The following LINC00632 variants were observed in gnomAD, a reference collection of about 807,000 sequenced individuals.
LINC00632 encodes the protein ALDOA related specific transcript.
intron 2 of LINC00632, among the ~76,000 whole-genome samples, chrX:140,728,526 G>A (rs1265093680): frequency 9.1e-6 from 1 of 109,994 alleles, no homozygotes; most frequent in Non-Finnish European, 1.9e-5. Context: ...ATATTGTACG[G>A]ATACGCTCCT....
At chrX:140,781,631 A>G (rs757378380) in exon 5 of LINC00632, among the ~76,000 whole-genome samples, 1 of 111,421 alleles carries the variant, frequency 9.0e-6, no homozygotes, top group East Asian at 2.9e-4. Flanking sequence ...TCTATGTGAG[A>G]ACAAGTTCTC....
At chrX:140,721,533 A>T (rs1157923391) in intron 2 of LINC00632, among the ~76,000 whole-genome samples, 3 of 111,142 alleles carry the variant, frequency 2.7e-5, no homozygotes, top group Non-Finnish European at 3.8e-5. Flanking sequence ...TGAGAATCTA[A>T]TGCTGTAGCT....
At chrX:140,733,692 G>T (rs1320576667) in intron 2 of LINC00632, among the ~76,000 whole-genome samples, 5 of 112,046 alleles carry the variant, frequency 4.5e-5, no homozygotes, top group Non-Finnish European at 5.6e-5. Flanking sequence ...TTTTGTAAAG[G>T]TATTAATAAA....
intron 2 of LINC00632, among the ~76,000 whole-genome samples, chrX:140,724,376 A>G (rs996592802): frequency 9.8e-6 from 1 of 101,636 alleles, no homozygotes; most frequent in African/African-American, 3.6e-5. Flanking sequence ...ACACACACAC[A>G]CAGTCCATGC....
intron 3 of LINC00632, among the ~76,000 whole-genome samples, chrX:140,747,014 A>G (rs751283559): frequency 5.9e-4 from 66 of 112,087 alleles, no homozygotes; most frequent in African/African-American, 2.1e-3. Flanking sequence ...CTAAAGCACA[A>G]CTGAATCCAT....
chrX:140,725,964 A>T (rs1221316586), intron 2 of LINC00632, among the ~76,000 whole-genome samples: 1 of 111,507 alleles, frequency 9.0e-6, no homozygotes, highest in Non-Finnish European at 1.9e-5. Flanking sequence ...CTCACTCAAT[A>T]ACACTGATTG....
intron 3 of LINC00632, among the ~76,000 whole-genome samples, chrX:140,755,985 A>G (rs1931486205): frequency 9.0e-6 from 1 of 111,044 alleles, no homozygotes; most frequent in African/African-American, 3.3e-5. Context: ...CAGTATTTAA[A>G]TATTATTGAG....
At chrX:140,733,678 C>G (rs1257434411) in intron 2 of LINC00632, among the ~76,000 whole-genome samples, 1 of 111,914 alleles carries the variant, frequency 8.9e-6, no homozygotes, top group Non-Finnish European at 1.9e-5. Context: ...TATTAATCAA[C>G]TTTTTTTGTA....
chrX:140,713,573 C>T (rs1930562865), intron 2 of LINC00632: 2 of 342,798 alleles, frequency 5.8e-6, no homozygotes, highest in Non-Finnish European at 1.2e-5. Context: ...CAAACTCACC[C>T]TTTAATGCAC....
chrX:140,725,158 C>T (rs1930923268), intron 2 of LINC00632, among the ~76,000 whole-genome samples: 1 of 78,962 alleles, frequency 1.3e-5, no homozygotes, highest in Admixed American at 1.4e-4. Flanking sequence ...CCAACACACA[C>T]ACATTCCATA....
chrX:140,729,026 A>G lies in LINC00632; in HGVS notation n.105-4852A>G, dbSNP rs895642075. ...CCACAGACACATCCTATCACATGAA[A>G]TCACCCCACAAAACAAGCCATCACA... On this transcript the variant is annotated intron_variant and non_coding_transcript_variant, in intron 2 of 4. Coordinates refer to ENST00000648200, the Ensembl canonical transcript of LINC00632. Among the ~76,000 whole-genome samples, 6 of 111,345 alleles carry G rather than the reference A, an allele frequency of 5.4e-5. No individual in the cohort carries two copies. The South Asian group carries it at 2.3e-3, about 43-fold the overall frequency.
At chrX:140,722,468 A>G (rs1296114300) in intron 2 of LINC00632, among the ~76,000 whole-genome samples, 2 of 110,491 alleles carry the variant, frequency 1.8e-5, no homozygotes, top group African/African-American at 6.6e-5. Flanking sequence ...CCCCAGCACC[A>G]GAGTAGCTCC....
At chrX:140,773,340 C>T (rs1042360029) in exon 4 of LINC00632, among the ~76,000 whole-genome samples, 9 of 112,205 alleles carry the variant, frequency 8.0e-5, no homozygotes, top group African/African-American at 2.6e-4. Flanking sequence ...AGGACAATGG[C>T]AATTTGCCTG....
chrX:140,782,155 T>A (rs1346677749), exon 5 of LINC00632, among the ~76,000 whole-genome samples: 1 of 111,987 alleles, frequency 8.9e-6, no homozygotes, highest in Non-Finnish European at 1.9e-5. Flanking sequence ...AGAGATGAAA[T>A]AGTATTAAAG....
chrX:140,720,245 C>T (rs1249791702), intron 2 of LINC00632, among the ~76,000 whole-genome samples: 2 of 111,412 alleles, frequency 1.8e-5, no homozygotes, highest in Non-Finnish European at 3.8e-5. Flanking sequence ...TAAAACACTT[C>T]CTTGTCTCTT....
At chrX:140,747,182 G>C (rs1458473290) in intron 3 of LINC00632, among the ~76,000 whole-genome samples, 1 of 111,886 alleles carries the variant, frequency 8.9e-6, no homozygotes, top group East Asian at 2.8e-4. Context: ...GGTAAGATGG[G>C]CTGGAATTTG....
At chrX:140,777,192 C>T (rs1021500479) in exon 5 of LINC00632, among the ~76,000 whole-genome samples, 140 of 110,597 alleles carry the variant, frequency 1.3e-3, no homozygotes, top group Non-Finnish European at 1.4e-3. Context: ...CTAATGCATA[C>T]GGGGCTTAAA....
chrX:140,776,234 G>A (rs1931868725), exon 5 of LINC00632, among the ~76,000 whole-genome samples: 1 of 109,111 alleles, frequency 9.2e-6, no homozygotes, highest in Non-Finnish European at 1.9e-5. Context: ...GCCAGACTGG[G>A]ATCCGGTGCG....
intron 3 of LINC00632, among the ~76,000 whole-genome samples, chrX:140,770,114 G>A (rs1432768502): frequency 9.0e-6 from 1 of 110,977 alleles, no homozygotes; most frequent in South Asian, 3.9e-4. Context: ...GGAAGAGGTG[G>A]CATCAGAGGC....
Sources: allele counts gnomAD v4.1 joint callset (sites outside exome capture counted in the v4.1 genomes callset), GRCh38; gene constraint gnomAD v4.1.1; transcripts MANE v1.5; gene names NCBI Gene and HGNC (gene_info 2026-07-23, HGNC 2026-07-21).